SPTBN1: variants seen among roughly 807,000 people sequenced by gnomAD.
SPTBN1 encodes the protein spectrin beta, non-erythrocytic 1.
Under a neutral mutation model 266.4 loss-of-function variants are expected in SPTBN1, and 32 were observed. The observed-to-expected ratio is 0.12, with a 90% confidence interval of 0.09 to 0.16. SPTBN1 has a LOEUF of 0.16. SPTBN1 is among the 10% of genes least tolerant of loss of function. The pLI, the probability that SPTBN1 is intolerant of heterozygous loss-of-function variation, is 1.00. For synonymous variants in SPTBN1, 1,336 were observed against 1,162.2 expected, an observed-to-expected ratio of 1.15 and a Z score of -3.04; for missense variants, 2,296 against 3,067.1, an observed-to-expected ratio of 0.75 and a Z score of 5.94.
At chr2:54,481,388 CTGAGTGTGTGTGTGTGTG>C in intron 1 of SPTBN1, among the ~76,000 whole-genome samples, 1 of 116,434 alleles carries the variant, frequency 8.6e-6, no homozygotes, top group African/African-American at 3.6e-5. Flanking sequence ...CTGCAGAAAC[CTGAGTGTGTGTGTGTGTG>C]TGTGTGTGTG....
chr2:54,657,935 G>A lies in SPTBN1; in HGVS notation c.6132G>A (p.Glu2044=). The change falls in exon 30 of 36, where the codon GAG becomes GAA. Residue 2044 remains glutamate (E), a synonymous_variant. Transcript: ENST00000356805. ...LGQEPYLSSR[E]IGQSVDEVEK... is the part of the protein sequence containing the mutation. ...AGGAGCCGTACCTATCCAGCCGAGA[G>A]ATAGGCCAGAGCGTGGACGAGGTGG... 3 of 1,614,256 alleles carry A rather than the reference G, an allele frequency of 1.9e-6. No individual in the cohort carries two copies. The highest frequency in any genetic ancestry group is 1.7e-6 in the Non-Finnish European group (2 of 1,180,054).
chr2:54,459,250 A>C (rs1389268869), intron 1 of SPTBN1, among the ~76,000 whole-genome samples: 1 of 152,226 alleles, frequency 6.6e-6, no homozygotes, highest in Non-Finnish European at 1.5e-5. Context: ...AACTGCTGTC[A>C]CTAGGTCGTC....
intron 2 of SPTBN1, chr2:54,529,636 G>C (rs768476993): frequency 7.1e-6 from 5 of 707,432 alleles, no homozygotes; most frequent in Admixed American, 1.8e-5. Flanking sequence ...ACACCCTTGT[G>C]TTCACTGTGG....
At position 54,456,356 on chromosome 2, in the gene SPTBN1, G is replaced by C. The variant is rs1055388946; in HGVS notation, c.-210G>C. On this transcript the variant is annotated 5_prime_UTR_variant, in exon 1 of 36. Transcript: ENST00000356805. ...CCTCCCTCGGCCGCCTCTCCTCCCGGAGCGAGCGCGCAGCCCTGCGCAGCA... is the reference window on the plus strand; with the variant it reads ...CCTCCCTCGGCCGCCTCTCCTCCCGCAGCGAGCGCGCAGCCCTGCGCAGCA... The C allele has an allele frequency of 1.3e-5, 2 of 152,372 alleles. No homozygotes were observed. Among genetic ancestry groups the C allele is most frequent in the Non-Finnish European group, 2.9e-5 (2 of 68,382 alleles). 9.4% of individuals were successfully genotyped at this position (152,372 alleles called of 1,614,324 possible). A position where few individuals can be genotyped will look rare whatever the true frequency, so the allele number is the denominator to read the frequency against.
chr2:54,502,227 C>T (rs1669309097), intron 1 of SPTBN1, among the ~76,000 whole-genome samples: 1 of 152,042 alleles, frequency 6.6e-6, no homozygotes, highest in Admixed American at 6.5e-5. Flanking sequence ...CCCCAAAGGC[C>T]TCACCCTTGC....
In SPTBN1 at chr2:54,668,301, C is replaced by T. The variant is rs768974229; in HGVS notation, c.6877-50C>T. 17 of 1,587,942 alleles carry T rather than the reference C, an allele frequency of 1.1e-5. No individual in the cohort carries two copies. The African/African-American group carries it at 2.3e-4, about 21-fold the overall frequency. On this transcript the variant is annotated intron_variant, in intron 35 of 35. Transcript: ENST00000356805. Reference sequence around the variant, plus strand: ...TTCCCAAGCCTTGGAGCCAGAACCCCTCATGCCTACTCTTAGTTGAGTCTC... The same window carrying T: ...TTCCCAAGCCTTGGAGCCAGAACCCTTCATGCCTACTCTTAGTTGAGTCTC...
chr2:54,522,070 T>A (rs1305228737), intron 1 of SPTBN1, among the ~76,000 whole-genome samples: 4 of 151,658 alleles, frequency 2.6e-5, no homozygotes, highest in African/African-American at 9.7e-5. Context: ...GCTATTTTTT[T>A]TTTTTATTTT....
chr2:54,586,959 C>G (rs998527589), intron 2 of SPTBN1, among the ~76,000 whole-genome samples: 2 of 151,972 alleles, frequency 1.3e-5, no homozygotes, highest in African/African-American at 4.8e-5. Flanking sequence ...CCCTCTTTGC[C>G]CTTAATTATT....
At chr2:54,647,039 C>T in intron 23 of SPTBN1, 92 bp from the exon 24 acceptor site, 1 of 1,583,698 alleles carries the variant, frequency 6.3e-7, no homozygotes, top group Non-Finnish European at 8.6e-7. Flanking sequence ...ACTGATCCTT[C>T]CTCCTACCCT....
chr2:54,642,950 C>G (rs1332374882), intron 18 of SPTBN1, 33 bp from the exon 19 acceptor site: 3 of 1,596,976 alleles, frequency 1.9e-6, no homozygotes, highest in Non-Finnish European at 8.6e-7. Context: ...TGTCTAGGAT[C>G]ACAATCTCTG....
intron 17 of SPTBN1, 28 bp downstream of exon 17, chr2:54,632,796 G>A (rs772796881): frequency 7.5e-6 from 12 of 1,609,994 alleles, no homozygotes; most frequent in Non-Finnish European, 9.3e-6. Flanking sequence ...TCTTAAGGGA[G>A]CCTTGCACCT....
intron 2 of SPTBN1, among the ~76,000 whole-genome samples, chr2:54,580,973 G>A (rs981957296): frequency 2.0e-5 from 3 of 151,672 alleles, no homozygotes; most frequent in East Asian, 1.9e-4. Flanking sequence ...TGGCACACAC[G>A]TGTAATCCCA....
intron 1 of SPTBN1, among the ~76,000 whole-genome samples, chr2:54,492,866 T>C (rs1298166786): frequency 6.6e-6 from 1 of 152,238 alleles, no homozygotes; most frequent in Admixed American, 6.5e-5. Flanking sequence ...TCTGTTATGC[T>C]ATTACACTCA....
chr2:54,637,870 A>G (rs1005213892), intron 18 of SPTBN1, 67 bp downstream of exon 18: 8 of 1,301,670 alleles, frequency 6.1e-6, no homozygotes, highest in Non-Finnish European at 8.7e-6. Context: ...AGCATTTAGC[A>G]CAAGAGCCTT....
chr2:54,652,727 T>A (rs956909324), intron 26 of SPTBN1: 2 of 152,250 alleles, frequency 1.3e-5, no homozygotes, highest in Non-Finnish European at 2.9e-5. Flanking sequence ...CTGACAAATA[T>A]ATCATCACAC....
chr2:54,483,943 C>G (rs1668220323), intron 1 of SPTBN1, among the ~76,000 whole-genome samples: 3 of 152,212 alleles, frequency 2.0e-5, no homozygotes, highest in South Asian at 4.2e-4. Flanking sequence ...GCCTGTAATT[C>G]TAGCACTTTG....
chr2:54,528,047 C>T (rs1353371833), intron 2 of SPTBN1: 1 of 152,616 alleles, frequency 6.6e-6, no homozygotes, highest in Admixed American at 6.5e-5. Flanking sequence ...ATTTAAAGAT[C>T]TTTCTTGAGC....
intron 10 of SPTBN1, 114 bp downstream of exon 10, chr2:54,623,710 C>T (rs757149804): frequency 2.1e-5 from 17 of 808,244 alleles, no homozygotes; most frequent in African/African-American, 7.0e-5. Context: ...CCCCACCTGC[C>T]GAATTGACAA....
At chr2:54,643,266 C>T (rs532307137) in intron 19 of SPTBN1, 137 bp downstream of exon 19, 5 of 1,295,512 alleles carry the variant, frequency 3.9e-6, no homozygotes, top group African/African-American at 1.5e-5. Context: ...GTAATAGCTC[C>T]CTTTGCACGT....
Sources: gnomAD v4.1 joint callset for allele counts (sites outside exome capture counted in the v4.1 genomes callset) on GRCh38, gnomAD v4.1.1 for gene constraint, MANE v1.5 for transcripts, NCBI Gene and HGNC (gene_info 2026-07-23, HGNC 2026-07-21) for gene names.